The following MYO5B variants were observed in gnomAD, a reference collection of about 807,000 sequenced individuals.
The protein encoded by MYO5B is myosin VB, also known as unconventional myosin-Vb.
Under a neutral mutation model 229.3 loss-of-function variants are expected in MYO5B, and 143 were observed. The ratio of observed to expected loss-of-function variants is 0.62; its 90% CI spans 0.54 to 0.72. The LOEUF (loss-of-function observed/expected upper bound fraction) is 0.72, where lower values mean the gene tolerates loss of function less well. Ranked by LOEUF, MYO5B falls within the 30% of genes least tolerant of loss-of-function variation. MYO5B has a pLI of 0.00. For missense variants in MYO5B, 2,321 were observed against 2,331.0 expected (o/e 1.00, Z 0.09); for synonymous variants, 918 against 885.2 (o/e 1.04, Z -0.66).
chr18:50,158,223 A>C (rs946799704), intron 1 of MYO5B, among the ~76,000 whole-genome samples: 3 of 152,212 alleles, frequency 2.0e-5, no homozygotes, highest in Non-Finnish European at 4.4e-5. Flanking sequence ...CTAAAGCAGA[A>C]ATAGTGTCTG....
intron 27 of MYO5B, among the ~76,000 whole-genome samples, chr18:49,868,616 C>G (rs988135604): frequency 6.6e-6 from 1 of 152,228 alleles, no homozygotes; most frequent in African/African-American, 2.4e-5. Flanking sequence ...CTCCTTTTGG[C>G]TACCAGGCCT....
chr18:49,926,311 G>C (rs1379726015), intron 17 of MYO5B, among the ~76,000 whole-genome samples: 4 of 152,192 alleles, frequency 2.6e-5, no homozygotes, highest in Non-Finnish European at 4.4e-5. Context: ...GTTGTTTATG[G>C]GTAATTAATC....
chr18:49,995,259 T>TC lies in MYO5B; in HGVS notation c.613-2829_613-2828insG, dbSNP rs1210721205. ...AGATATTAATCCTCACTTATATCCT[T>TC]TTTTTTTTTTTTTGAGATGGAGTCT... On this transcript the variant is annotated intron_variant, in intron 5 of 39. Transcript: ENST00000285039. Among the ~76,000 whole-genome samples the TC allele has an allele frequency of 1.5e-4, 22 of 148,050 alleles. No homozygotes were observed. In the East Asian group the frequency reaches 2.8e-3, roughly 19 times the overall value.
At chr18:50,036,057 A>G (rs896876551) in intron 4 of MYO5B, among the ~76,000 whole-genome samples, 2 of 152,188 alleles carry the variant, frequency 1.3e-5, no homozygotes, top group African/African-American at 2.4e-5. Context: ...AAATTAATCT[A>G]AATAGCTTTC....
At chr18:49,849,767 C>T (rs932378432) in intron 31 of MYO5B, 107 bp from the exon 32 acceptor site, 8 of 842,728 alleles carry the variant, frequency 9.5e-6, no homozygotes, top group African/African-American at 6.6e-5. Flanking sequence ...CATGGGCAGC[C>T]GTCAGAAATG....
rs376092128 is a variant in MYO5B, at chr18:50,040,133, C to T, written c.310+10G>A. On this transcript the variant is annotated intron_variant, in intron 3 of 39. Transcript: ENST00000285039. ...CCAACGCATGCAGCCAACAGATGCCCCCCACTTACCACAGTAAGTGTAGAT... is the reference window on the plus strand; with the variant it reads ...CCAACGCATGCAGCCAACAGATGCCTCCCACTTACCACAGTAAGTGTAGAT... 9 of 1,613,882 alleles carry T rather than the reference C, an allele frequency of 5.6e-6. No homozygotes were observed. Among genetic ancestry groups the T allele is most frequent in the Non-Finnish European group, 6.8e-6 (8 of 1,179,966 alleles).
At chr18:49,879,318 A>G in intron 23 of MYO5B, 1 of 565,908 alleles carries the variant, frequency 1.8e-6, no homozygotes, top group South Asian at 2.0e-5. Context: ...GGGAATGGGG[A>G]GAGAGAAGTT....
chr18:49,894,732 C>T (rs2024757375), intron 22 of MYO5B, among the ~76,000 whole-genome samples: 1 of 152,252 alleles, frequency 6.6e-6, no homozygotes, highest in Admixed American at 6.5e-5. Flanking sequence ...GCCATAGTGT[C>T]CAGCTAACAG....
intron 18 of MYO5B, among the ~76,000 whole-genome samples, chr18:49,910,965 C>T (rs1318059542): frequency 1.3e-5 from 2 of 152,220 alleles, no homozygotes; most frequent in South Asian, 2.1e-4. Flanking sequence ...TTGCCCCTCA[C>T]AAAAGGCCCC....
At chr18:49,918,732 C>T (rs2025044107) in intron 17 of MYO5B, among the ~76,000 whole-genome samples, 1 of 152,240 alleles carries the variant, frequency 6.6e-6, no homozygotes. Context: ...CCAGGACCAA[C>T]AGGCTGTCTC....
At chr18:50,026,952 C>T (rs1224931590) in intron 4 of MYO5B, among the ~76,000 whole-genome samples, 3 of 152,178 alleles carry the variant, frequency 2.0e-5, no homozygotes, top group Non-Finnish European at 4.4e-5. Flanking sequence ...TCGTTACTGT[C>T]CCTGGACACT....
intron 27 of MYO5B, among the ~76,000 whole-genome samples, chr18:49,867,260 T>G (rs968120247): frequency 2.0e-5 from 3 of 152,154 alleles, no homozygotes; most frequent in Admixed American, 6.5e-5. Flanking sequence ...ACCTGGAGAC[T>G]GCTTGGATGT....
At chr18:50,164,538 A>G (rs911056850) in intron 1 of MYO5B, among the ~76,000 whole-genome samples, 20 of 151,936 alleles carry the variant, frequency 1.3e-4, no homozygotes, top group Non-Finnish European at 2.5e-4. Flanking sequence ...CTGTGACTCA[A>G]TGTCTCCCTG....
intron 1 of MYO5B, among the ~76,000 whole-genome samples, chr18:50,188,387 C>T (rs1293119244): frequency 6.6e-6 from 1 of 152,166 alleles, no homozygotes; most frequent in Admixed American, 6.5e-5. Context: ...GGAGTATGTG[C>T]ACTCCTCTAA....
At chr18:49,826,755 G>A in intron 39 of MYO5B, 132 bp from the exon 40 acceptor site, 2 of 1,110,186 alleles carry the variant, frequency 1.8e-6, no homozygotes, top group Non-Finnish European at 2.7e-6. Context: ...TTCAGGACTA[G>A]GAGAATGTGA....
intron 4 of MYO5B, among the ~76,000 whole-genome samples, chr18:50,009,660 A>G (rs943220169): frequency 1.3e-5 from 2 of 152,208 alleles, no homozygotes; most frequent in Non-Finnish European, 2.9e-5. Context: ...AACTACCATA[A>G]GTCAGATTTG....
chr18:50,155,992 A>C (rs923369500), intron 1 of MYO5B, among the ~76,000 whole-genome samples: 7 of 152,244 alleles, frequency 4.6e-5, no homozygotes, highest in African/African-American at 1.7e-4. Context: ...GGCCTGCCAC[A>C]GTCGTGCACA....
At chr18:49,913,263 C>T (rs8097502) in intron 17 of MYO5B, among the ~76,000 whole-genome samples, 8,322 of 152,244 alleles carry the variant, frequency 0.055, 588 homozygotes, top group African/African-American at 0.16. Context: ...GCAGTCTTTC[C>T]AATGAGCAAA....
chr18:50,044,339 T>G (rs1321493268), intron 2 of MYO5B, among the ~76,000 whole-genome samples: 2 of 152,196 alleles, frequency 1.3e-5, no homozygotes, highest in African/African-American at 4.8e-5. Context: ...ATGGTTTTAT[T>G]TGACATCTAA....
Sources: allele counts gnomAD v4.1 joint callset (sites outside exome capture counted in the v4.1 genomes callset), GRCh38; gene constraint gnomAD v4.1.1; transcripts MANE v1.5; gene names NCBI Gene and HGNC (gene_info 2026-07-23, HGNC 2026-07-21).